PEX26: variants seen among roughly 807,000 people sequenced by gnomAD.
The protein encoded by PEX26 is peroxisome assembly protein 26.
A neutral mutation model predicts 31.4 loss-of-function variants in PEX26; 18 were observed. The observed-to-expected ratio is 0.57, with a 90% CI of 0.40 to 0.85. The LOEUF is 0.85. Among genes scored for constraint, PEX26 ranks in the 40% least tolerant of loss-of-function variants. The probability of loss-of-function intolerance (pLI) is 0.00; values close to 1 mark genes in which losing one functional copy is unlikely to be tolerated. For synonymous variants in PEX26, 176 were observed against 166.9 expected, an observed-to-expected ratio of 1.05 and a Z score of -0.42; for missense variants, 377 against 383.9, an observed-to-expected ratio of 0.98 and a Z score of 0.15.
chr22:18,084,723 CTT>C (rs762094985), intron 3 of PEX26, among the ~76,000 whole-genome samples: 27 of 139,240 alleles, frequency 1.9e-4, no homozygotes, highest in Admixed American at 2.9e-4. Context: ...TTACTAAACT[CTT>C]TTTTTTTTTT....
At position 18,088,157 on chromosome 22, in the gene PEX26, G is replaced by T. The variant is rs376865905; in HGVS notation, c.*82G>T. 26 of 953,782 alleles carry T rather than the reference G, an allele frequency of 2.7e-5. No homozygotes were observed. The highest frequency in any genetic ancestry group is 1.4e-4 in the East Asian group (6 of 41,980). 59.1% of individuals were successfully genotyped at this position (953,782 alleles called of 1,614,324 possible). A position where few individuals can be genotyped will look rare whatever the true frequency, so the allele number is the denominator to read the frequency against. Reference sequence around the variant, plus strand: ...GCGACAGAGCGACACATCCACAGGCGCCCCTGGGGAAATGGGACCAGCCTA... The same window carrying T: ...GCGACAGAGCGACACATCCACAGGCTCCCCTGGGGAAATGGGACCAGCCTA... On this transcript the variant is annotated 3_prime_UTR_variant, in exon 5 of 5. Coordinates refer to ENST00000399744, the MANE Select transcript of PEX26 (RefSeq NM_001127649.3). The surrounding 1 kb of genome is among the most constrained non-coding windows in gnomAD (Gnocchi z 4.1).
At position 18,090,911 on chromosome 22, in the gene PEX26, G is replaced by A. The variant is rs894207795; in HGVS notation, c.*2836G>A. 6.6e-6 allele frequency: 1 copy of A among 152,290 alleles called. No individual in the cohort carries two copies. Among genetic ancestry groups the A allele is most frequent in the African/African-American group, 2.4e-5 (1 of 41,426 alleles). The allele number at this position is 152,290 out of a possible 1,614,324, so 9.4% of individuals were successfully genotyped here. A position where few individuals can be genotyped will look rare whatever the true frequency, so the allele number is the denominator to read the frequency against. Reference sequence around the variant, plus strand: ...CCTCTAGGAAGGGGCTAGAAGGGATGAGGAAATAGTTCATAGCTTCGTGCA... The same window carrying A: ...CCTCTAGGAAGGGGCTAGAAGGGATAAGGAAATAGTTCATAGCTTCGTGCA... On this transcript the variant is annotated 3_prime_UTR_variant, in exon 5 of 5. Coordinates refer to ENST00000399744, the MANE Select transcript of PEX26 (RefSeq NM_001127649.3).
intron 4 of PEX26, among the ~76,000 whole-genome samples, chr22:18,087,290 G>A (rs1926878993): frequency 6.6e-6 from 1 of 152,094 alleles, no homozygotes; most frequent in Non-Finnish European, 1.5e-5. Context: ...TGCCAGGCTG[G>A]TCTCCAACTT....
In PEX26 at chr22:18,092,871, CAAG is replaced by C. The variant is rs1319006305; in HGVS notation, c.*4799_*4801del. 7.0e-6 allele frequency: 1 copy of C among 143,534 alleles called. No homozygotes were observed. Among genetic ancestry groups the C allele is most frequent in the Non-Finnish European group, 1.5e-5 (1 of 65,852 alleles). 8.9% of individuals were successfully genotyped at this position (143,534 alleles called of 1,614,324 possible). On this transcript the variant is annotated 3_prime_UTR_variant, in exon 5 of 5. Transcript: ENST00000399744. ...GCCCTTTTATAAAGCCAATTTTAAA[CAAG>C]AAAAAAACAAAAAGTTTACAAAAGA...
intron 1 of PEX26, among the ~76,000 whole-genome samples, chr22:18,079,548 C>T (rs1001962016): frequency 1.3e-5 from 2 of 152,204 alleles, no homozygotes; most frequent in Admixed American, 6.5e-5. Context: ...AGTTCCAGCT[C>T]TCTTTTCAGC....
At position 18,104,574 on chromosome 22, in the gene PEX26, G is replaced by A. The variant is rs562994254; in HGVS notation, c.*16499G>A. 1.3e-5 allele frequency: 2 copies of A among 152,226 alleles called. No homozygotes were observed. The highest frequency in any genetic ancestry group is 2.1e-4 in the South Asian group (1 of 4,826). The allele number at this position is 152,226 out of a possible 1,614,324, so 9.4% of individuals were successfully genotyped here. Reference sequence around the variant, plus strand: ...TCTGTGACAGAGCCTTGGATGTCACGAGGCCACAGGCTGGCCTTTCCTCCT... The same window carrying A: ...TCTGTGACAGAGCCTTGGATGTCACAAGGCCACAGGCTGGCCTTTCCTCCT... On this transcript the variant is annotated 3_prime_UTR_variant, in exon 5 of 5. Transcript: ENST00000399744.
At chr22:18,081,277 C>CACACACAT (rs1166125993) in intron 2 of PEX26, among the ~76,000 whole-genome samples, 2 of 142,632 alleles carry the variant, frequency 1.4e-5, no homozygotes, top group African/African-American at 5.0e-5. Context: ...CACACACACA[C>CACACACAT]ACATTATCCA....
rs1009612691 is a variant in PEX26 at position 18,099,250 on chromosome 22, A to T, written c.*11175A>T. 1.3e-5 allele frequency: 2 copies of T among 152,188 alleles called. No individual in the cohort carries two copies. The highest frequency in any genetic ancestry group is 4.8e-5 in the African/African-American group (2 of 41,436). 9.4% of individuals were successfully genotyped at this position (152,188 alleles called of 1,614,324 possible). A position where few individuals can be genotyped will look rare whatever the true frequency, so the allele number is the denominator to read the frequency against. On this transcript the variant is annotated 3_prime_UTR_variant, in exon 5 of 5. Transcript: ENST00000399744. ...TAGGATTTGGGTGGGTACTTGAATT[A>T]AAAAAATGAATTTGTGAGGCAATAT...
chr22:18,079,245 C>G (rs1399971593), intron 1 of PEX26: 1 of 985,168 alleles, frequency 1.0e-6, no homozygotes, highest in African/African-American at 1.7e-5. Context: ...TGCCACCAGC[C>G]TCGTCTGGCA....
At chr22:18,080,848 C>T (rs1001897308) in intron 2 of PEX26, among the ~76,000 whole-genome samples, 5 of 152,094 alleles carry the variant, frequency 3.3e-5, no homozygotes, top group Middle Eastern at 3.2e-3. Flanking sequence ...CCATAACCAC[C>T]CTACCGTGCA....
Position 18,078,554 on chromosome 22 carries a change from C to A in PEX26, c.178C>A (p.Arg60=), listed in dbSNP as rs1236532180. 5 of 1,591,392 alleles carry A rather than the reference C, an allele frequency of 3.1e-6. No individual in the cohort carries two copies. In the Admixed American group the frequency reaches 8.7e-5, roughly 28 times the overall value. ...DFRAALETCE[R]AWQSLANHAV... ...CCGGGCGGCGCTGGAGACCTGCGAG[C>A]GGGCCTGGCAGAGTCTGGCCAACCA... The change falls in exon 1 of 5, where the codon CGG becomes AGG. Residue 60 remains arginine, a synonymous_variant. Transcript: ENST00000399744.
chr22:18,094,953 C>T lies in PEX26; in HGVS notation c.*6878C>T, dbSNP rs1033199938. The T allele has an allele frequency of 1.3e-5, 2 of 152,046 alleles. No individual in the cohort carries two copies. Among genetic ancestry groups the T allele is most frequent in the South Asian group, 2.1e-4 (1 of 4,816 alleles). The allele number at this position is 152,046 out of a possible 1,614,324, so 9.4% of individuals were successfully genotyped here. A position where few individuals can be genotyped will look rare whatever the true frequency, so the allele number is the denominator to read the frequency against. On this transcript the variant is annotated 3_prime_UTR_variant, in exon 5 of 5. Coordinates refer to ENST00000399744, the MANE Select transcript of PEX26 (RefSeq NM_001127649.3). ...GGGGCTAATGTGCCCAGTGCCCCAC[C>T]GCTTTTAAATGGTAGAGCTGGGATT...
chr22:18,098,330 G>A lies in PEX26; in HGVS notation c.*10255G>A, dbSNP rs1027449224. On this transcript the variant is annotated 3_prime_UTR_variant, in exon 5 of 5. Transcript: ENST00000399744. ...AACTTTGCATAAGTCATTTAATCTC[G>A]GGTCCAATTTTTCTCACCTCCAAGA... The A allele has an allele frequency of 2.0e-5, 3 of 151,824 alleles. No homozygotes were observed. The highest frequency in any genetic ancestry group is 2.1e-4 in the South Asian group (1 of 4,804). 9.4% of individuals were successfully genotyped at this position (151,824 alleles called of 1,614,324 possible).
rs3827281 is a variant in PEX26 at position 18,101,667 on chromosome 22, T to C, written c.*13592T>C. 148,606 of 250,642 alleles carry C rather than the reference T, an allele frequency of 0.59. 45,748 individuals carry two copies. The highest frequency in any genetic ancestry group is 0.66 in the Non-Finnish European group (87,072 of 131,914). The allele number at this position is 250,642 out of a possible 1,614,324, so 15.5% of individuals were successfully genotyped here. ...AGGCTCAGAGTAGCTGTGCAATGAC[T>C]TGTGTCAAAACCCGATCCAGAGCAG... On this transcript the variant is annotated 3_prime_UTR_variant, in exon 5 of 5. Transcript: ENST00000399744.
chr22:18,081,881 C>T (rs1039202864), intron 2 of PEX26, among the ~76,000 whole-genome samples: 36 of 152,152 alleles, frequency 2.4e-4, no homozygotes, highest in African/African-American at 8.2e-4. Flanking sequence ...CACCAACACT[C>T]GTTTTCTTTT....
intron 2 of PEX26, among the ~76,000 whole-genome samples, chr22:18,082,081 G>A (rs1404971723): frequency 2.5e-5 from 2 of 78,610 alleles, no homozygotes; most frequent in Non-Finnish European, 5.0e-5. Flanking sequence ...TTTTTTTTCT[G>A]CTGTTAAGTT....
rs1397674562 is a variant in PEX26 at position 18,102,262 on chromosome 22, T to G, written c.*14187T>G. On this transcript the variant is annotated 3_prime_UTR_variant, in exon 5 of 5. Coordinates refer to ENST00000399744, the MANE Select transcript of PEX26 (RefSeq NM_001127649.3). ...GAGATGGGAGGAGTACTAGGGTTAC[T>G]AAACACAAGAAGGTGTTTCAGGAGA... The G allele has an allele frequency of 6.6e-6, 1 of 152,258 alleles. No individual in the cohort carries two copies. The highest frequency in any genetic ancestry group is 1.9e-4 in the East Asian group (1 of 5,194). 9.4% of individuals were successfully genotyped at this position (152,258 alleles called of 1,614,324 possible).
At chr22:18,079,226 T>C in intron 1 of PEX26, 1 of 985,440 alleles carries the variant, frequency 1.0e-6, no homozygotes, top group Non-Finnish European at 1.2e-6. Context: ...CTTGCATTGC[T>C]CTTTCTAATG....
In PEX26 at chr22:18,085,153, C is replaced by T. The variant is rs575612663; in HGVS notation, c.709C>T (p.Arg237Cys). 35 of 1,614,152 alleles carry T rather than the reference C, an allele frequency of 2.2e-5. No individual in the cohort carries two copies. Among genetic ancestry groups the T allele is most frequent in the South Asian group, 5.5e-5 (5 of 91,086 alleles). Reference protein sequence around the residue: ...HKFLSLPMLVRQLWDSAVSHF... With the variant: ...HKFLSLPMLVCQLWDSAVSHF... Reference sequence around the variant, plus strand: ...GTTCCTGTCACTACCGATGTTGGTTCGCCAGCTTTGGGACTCTGCGGTGAG... The same window carrying T: ...GTTCCTGTCACTACCGATGTTGGTTTGCCAGCTTTGGGACTCTGCGGTGAG... The change falls in exon 4 of 5, where the codon CGC becomes TGC. Residue 237 changes from arginine (R) to cysteine (C), a missense_variant. Coordinates refer to ENST00000399744, the MANE Select transcript of PEX26 (RefSeq NM_001127649.3).
Sources: gnomAD v4.1 joint callset for allele counts (sites outside exome capture counted in the v4.1 genomes callset) on GRCh38, gnomAD v4.1.1 for gene constraint, Gnocchi (gnomAD v3.1) non-coding constraint, MANE v1.5 for transcripts, NCBI Gene and HGNC (gene_info 2026-07-23, HGNC 2026-07-21) for gene names.